Variants in FUT9 observed in about 807,000 individuals in gnomAD.
FUT9 encodes the protein 4-galactosyl-N-acetylglucosaminide 3-alpha-L-fucosyltransferase 9.
In FUT9, 15 loss-of-function variants were observed where a neutral mutation model predicts 29.7. The observed-to-expected ratio is 0.51, with a 90% CI of 0.34 to 0.78. The LOEUF (loss-of-function observed/expected upper bound fraction) is 0.78, where lower values mean the gene tolerates loss of function less well. Among genes scored for constraint, FUT9 ranks in the 30% least tolerant of loss-of-function variants. FUT9 has a pLI of 0.01. For missense variants in FUT9, 319 were observed against 425.4 expected (o/e 0.75, Z 2.20); for synonymous variants, 169 against 153.7 (o/e 1.10, Z -0.74).
intron 1 of FUT9, among the ~76,000 whole-genome samples, chr6:96,105,966 A>T (rs1218007772): frequency 6.6e-6 from 1 of 152,190 alleles, no homozygotes; most frequent in Non-Finnish European, 1.5e-5. Flanking sequence ...AGAACAAACC[A>T]GTGTATCCTA....
intron 1 of FUT9, among the ~76,000 whole-genome samples, chr6:96,031,335 T>C (rs562378155): frequency 3.9e-4 from 59 of 151,686 alleles, no homozygotes; most frequent in African/African-American, 1.4e-3. Context: ...TCCAATCATC[T>C]TAATCTAAAC....
At chr6:96,079,271 T>G (rs1191923236) in intron 1 of FUT9, among the ~76,000 whole-genome samples, 1 of 152,194 alleles carries the variant, frequency 6.6e-6, no homozygotes, top group Non-Finnish European at 1.5e-5. Context: ...CTCAGTGCCT[T>G]CAAATACTGA....
chr6:96,157,854 C>T (rs1229276772), intron 2 of FUT9, among the ~76,000 whole-genome samples: 2 of 152,086 alleles, frequency 1.3e-5, no homozygotes, highest in South Asian at 2.1e-4. Flanking sequence ...CTACTCCTGT[C>T]TGTTCTTTAG....
chr6:96,024,810 C>T (rs867280505), intron 1 of FUT9, among the ~76,000 whole-genome samples: 9 of 151,748 alleles, frequency 5.9e-5, no homozygotes, highest in Non-Finnish European at 1.0e-4. Flanking sequence ...GAATTCTAGA[C>T]TCAATCCAGG....
chr6:96,185,135 A>G (rs1043360682), intron 2 of FUT9, among the ~76,000 whole-genome samples: 1 of 123,926 alleles, frequency 8.1e-6, no homozygotes, highest in African/African-American at 2.7e-5. Context: ...CTTCCTCCTC[A>G]ACAATATTTT....
intron 1 of FUT9, among the ~76,000 whole-genome samples, chr6:96,062,851 A>C (rs1330132051): frequency 6.6e-6 from 1 of 152,198 alleles, no homozygotes; most frequent in Non-Finnish European, 1.5e-5. Flanking sequence ...ACAAAACAAC[A>C]AAAAGATCAA....
intron 2 of FUT9, among the ~76,000 whole-genome samples, chr6:96,166,521 T>A (rs187099563): frequency 9.9e-4 from 151 of 152,340 alleles, no homozygotes; most frequent in African/African-American, 3.4e-3. Context: ...GTTTACCATT[T>A]TGCCTTTGAT....
At chr6:96,086,930 C>A (rs1224482075) in intron 1 of FUT9, among the ~76,000 whole-genome samples, 4 of 152,170 alleles carry the variant, frequency 2.6e-5, no homozygotes, top group African/African-American at 7.2e-5. Flanking sequence ...TCCTGCAATT[C>A]AGGAGTGTGC....
chr6:96,155,232 T>TA (rs987898482), intron 2 of FUT9, among the ~76,000 whole-genome samples: 269 of 151,776 alleles, frequency 1.8e-3, no homozygotes, highest in African/African-American at 5.5e-3. Context: ...TTAGAAGGGG[T>TA]AAAAAAAACG....
intron 2 of FUT9, among the ~76,000 whole-genome samples, chr6:96,155,904 T>A (rs986096163): frequency 6.6e-6 from 1 of 152,172 alleles, no homozygotes; most frequent in Non-Finnish European, 1.5e-5. Context: ...ACCCAGTTTG[T>A]GGTATTTTGT....
At chr6:96,102,177 T>C (rs1771597553) in intron 1 of FUT9, among the ~76,000 whole-genome samples, 1 of 152,062 alleles carries the variant, frequency 6.6e-6, no homozygotes, top group South Asian at 2.1e-4. Flanking sequence ...GAGATCGTTG[T>C]TTATTTCTTA....
In FUT9 at chr6:96,212,099, G is replaced by A; in HGVS notation, c.*7864G>A. 2.4e-6 allele frequency: 1 copy of A among 412,560 alleles called. No individual in the cohort carries two copies. The highest frequency in any genetic ancestry group is 4.4e-6 in the Non-Finnish European group (1 of 225,522). The allele number at this position is 412,560 out of a possible 1,614,324, so 25.6% of individuals were successfully genotyped here. A position where few individuals can be genotyped will look rare whatever the true frequency, so the allele number is the denominator to read the frequency against. ...TGAGGGTTCAGGAAATAGAAAGGCA[G>A]TCTCTGCAGAAGCAGTATCCAAAGG... is the stretch of plus-strand genomic sequence containing the variant. On this transcript the variant is annotated 3_prime_UTR_variant, in exon 3 of 3. Coordinates refer to ENST00000302103, the MANE Select transcript of FUT9 (RefSeq NM_006581.4).
chr6:96,166,620 T>G (rs961010969), intron 2 of FUT9, among the ~76,000 whole-genome samples: 1 of 152,200 alleles, frequency 6.6e-6, no homozygotes, highest in Non-Finnish European at 1.5e-5. Context: ...TTTTTTAAAA[T>G]GTGACATTTG....
chr6:96,048,143 A>G (rs930333821), intron 1 of FUT9, among the ~76,000 whole-genome samples: 1 of 152,164 alleles, frequency 6.6e-6, no homozygotes, highest in African/African-American at 2.4e-5. Flanking sequence ...ACAGCAAGTA[A>G]AGGGTCTCTA....
intron 1 of FUT9, among the ~76,000 whole-genome samples, chr6:96,044,953 A>C (rs1346408494): frequency 6.6e-6 from 1 of 152,210 alleles, no homozygotes; most frequent in Non-Finnish European, 1.5e-5. Context: ...AATATTTAAA[A>C]ATGCTTGATA....
chr6:96,057,143 G>A (rs1156457462), intron 1 of FUT9, among the ~76,000 whole-genome samples: 1 of 152,040 alleles, frequency 6.6e-6, no homozygotes, highest in Non-Finnish European at 1.5e-5. Flanking sequence ...GGGTTTATTG[G>A]GACATAATCC....
chr6:96,048,929 G>A (rs1162381400), intron 1 of FUT9, among the ~76,000 whole-genome samples: 1 of 152,062 alleles, frequency 6.6e-6, no homozygotes, highest in Non-Finnish European at 1.5e-5. Context: ...TTCTACTTGG[G>A]TAACCTTCAG....
intron 1 of FUT9, among the ~76,000 whole-genome samples, chr6:96,107,283 C>T (rs1274151150): frequency 6.6e-6 from 1 of 152,138 alleles, no homozygotes; most frequent in Non-Finnish European, 1.5e-5. Context: ...ACAGCCTTAG[C>T]CCCAACAACC....
intron 2 of FUT9, among the ~76,000 whole-genome samples, chr6:96,137,885 T>C (rs1478293266): frequency 6.6e-6 from 1 of 152,084 alleles, no homozygotes. Context: ...CCTGTACATC[T>C]AAAACTATTC....
Sources: gnomAD v4.1 joint callset for allele counts (sites outside exome capture counted in the v4.1 genomes callset) on GRCh38, gnomAD v4.1.1 for gene constraint, MANE v1.5 for transcripts, NCBI Gene and HGNC (gene_info 2026-07-23, HGNC 2026-07-21) for gene names.